Variants in CAMK1D observed in about 807,000 individuals in gnomAD.
The protein encoded by CAMK1D is calcium/calmodulin dependent protein kinase ID.
Under a neutral mutation model 47.7 loss-of-function variants are expected in CAMK1D, and 9 were observed. The observed-to-expected ratio is 0.19, with a 90% CI of 0.11 to 0.33. CAMK1D has a LOEUF of 0.33. CAMK1D is among the 10% of genes least tolerant of loss of function. The probability of loss-of-function intolerance (pLI) is 1.00; values close to 1 mark genes in which losing one functional copy is unlikely to be tolerated. For synonymous variants in CAMK1D, 184 were observed against 184.9 expected (o/e 0.99, Z 0.04); for missense variants, 291 against 488.7 (o/e 0.60, Z 3.81).
At chr10:12,569,017 A>C (rs1320691758) in intron 2 of CAMK1D, among the ~76,000 whole-genome samples, 1 of 152,214 alleles carries the variant, frequency 6.6e-6, no homozygotes, top group African/African-American at 2.4e-5. Flanking sequence ...GTGTAATATA[A>C]ACTTCCAAAT....
chr10:12,537,080 CT>C (rs368473367), intron 1 of CAMK1D, among the ~76,000 whole-genome samples: 1,847 of 151,278 alleles, frequency 0.012, 47 homozygotes, highest in African/African-American at 0.042. Context: ...TTTTCTTCTT[CT>C]TTTTTTTTGA....
At chr10:12,691,603 T>G (rs1404838128) in intron 3 of CAMK1D, among the ~76,000 whole-genome samples, 1 of 146,958 alleles carries the variant, frequency 6.8e-6, no homozygotes, top group African/African-American at 2.7e-5. Context: ...CAGCTCATAT[T>G]TTTTGTATTT....
intron 5 of CAMK1D, among the ~76,000 whole-genome samples, chr10:12,784,415 C>T (rs1189658695): frequency 6.6e-6 from 1 of 152,092 alleles, no homozygotes; most frequent in Non-Finnish European, 1.5e-5. Context: ...TCAGGCTGGT[C>T]TCGAACTCCT....
At chr10:12,779,940 G>A (rs929067283) in intron 5 of CAMK1D, among the ~76,000 whole-genome samples, 1 of 152,288 alleles carries the variant, frequency 6.6e-6, no homozygotes, top group Admixed American at 6.5e-5. Context: ...TGAGGCTGTC[G>A]GGGAAGGAAT....
At chr10:12,585,088 ATGT>A (rs1837776155) in intron 2 of CAMK1D, among the ~76,000 whole-genome samples, 1 of 152,186 alleles carries the variant, frequency 6.6e-6, no homozygotes. Context: ...CAGATCAAAC[ATGT>A]TGCCTCCCCT....
Position 12,824,507 on chromosome 10 carries a change from C to T in CAMK1D, c.876C>T (p.Ser292=), listed in dbSNP as rs145937671. ...DTALNKNIHE[S]VSAQIRKNFA... is the part of the protein sequence containing the mutation. ...CCCTCAACAAAAACATCCACGAGTC[C>T]GTCAGCGCCCAGATCCGGAAAAACT... The change falls in exon 9 of 11, where the codon TCC becomes TCT. Residue 292 remains serine, a synonymous_variant. Coordinates refer to ENST00000619168, the MANE Select transcript of CAMK1D (RefSeq NM_153498.4). 8.2e-4 allele frequency: 1,323 copies of T among 1,613,970 alleles called. 2 individuals are homozygous for T. Among genetic ancestry groups the T allele is most frequent in the Non-Finnish European group, 1.0e-3 (1,177 of 1,180,004 alleles).
intron 2 of CAMK1D, among the ~76,000 whole-genome samples, chr10:12,569,059 G>A (rs551078685): frequency 6.7e-4 from 102 of 152,136 alleles, no homozygotes; most frequent in Middle Eastern, 3.4e-3. Context: ...ACTGACTCAA[G>A]AAATCTACCT....
chr10:12,746,142 T>A (rs1057149023), intron 3 of CAMK1D, among the ~76,000 whole-genome samples: 1 of 147,708 alleles, frequency 6.8e-6, no homozygotes, highest in Non-Finnish European at 1.5e-5. Context: ...GGCGGACGGA[T>A]CCGCATGGTC....
chr10:12,423,607 C>G (rs1840130150), intron 1 of CAMK1D, among the ~76,000 whole-genome samples: 1 of 152,210 alleles, frequency 6.6e-6, no homozygotes, highest in Non-Finnish European at 1.5e-5. Context: ...CTGTGAATAT[C>G]CAGAACTCCC....
intron 1 of CAMK1D, among the ~76,000 whole-genome samples, chr10:12,427,780 T>A (rs1346841883): frequency 7.4e-6 from 1 of 134,792 alleles, no homozygotes; most frequent in Admixed American, 8.7e-5. Flanking sequence ...TGACCTTGGC[T>A]CACCGCAACC....
intron 2 of CAMK1D, among the ~76,000 whole-genome samples, chr10:12,621,644 G>T (rs1839001354): frequency 6.6e-6 from 1 of 152,092 alleles, no homozygotes; most frequent in Non-Finnish European, 1.5e-5. Context: ...TGTTTGCTTA[G>T]ATTTATACCT....
At chr10:12,672,349 T>C (rs1461063239) in intron 3 of CAMK1D, among the ~76,000 whole-genome samples, 1 of 152,080 alleles carries the variant, frequency 6.6e-6, no homozygotes, top group Non-Finnish European at 1.5e-5. Flanking sequence ...TGTTTTCCTC[T>C]GGACGTTACA....
At chr10:12,413,544 TGA>T (rs1839740793) in intron 1 of CAMK1D, among the ~76,000 whole-genome samples, 1 of 152,064 alleles carries the variant, frequency 6.6e-6, no homozygotes, top group Non-Finnish European at 1.5e-5. Context: ...ATGATGAGTA[TGA>T]TGGTGATAAT....
Position 12,729,476 on chromosome 10 carries a change from A to C in CAMK1D, c.300-31472A>C, listed in dbSNP as rs188530527. ...CATAGCAAGACCTCGTCTCTACAGA[A>C]TTTTTTTTTAAATTAGCCAGGTATG... On this transcript the variant is annotated intron_variant, in intron 3 of 10. Transcript: ENST00000619168. Among the ~76,000 whole-genome samples the C allele has an allele frequency of 4.0e-3, 612 of 151,452 alleles. 1 individual carries two copies. The highest frequency in any genetic ancestry group is 6.4e-3 in the Non-Finnish European group (432 of 67,770).
chr10:12,498,479 T>C (rs931704989), intron 1 of CAMK1D, among the ~76,000 whole-genome samples: 4 of 152,182 alleles, frequency 2.6e-5, no homozygotes, highest in African/African-American at 4.8e-5. Context: ...ATTCAGGAAC[T>C]CTCTGGCTGA....
intron 2 of CAMK1D, among the ~76,000 whole-genome samples, chr10:12,637,839 T>C (rs1240846352): frequency 6.6e-6 from 1 of 152,098 alleles, no homozygotes; most frequent in African/African-American, 2.4e-5. Context: ...AGGAGACGTG[T>C]TCTTTCTCTA....
intron 1 of CAMK1D, among the ~76,000 whole-genome samples, chr10:12,542,708 T>C (rs1836235840): frequency 6.6e-6 from 1 of 152,244 alleles, no homozygotes; most frequent in Non-Finnish European, 1.5e-5. Flanking sequence ...TGCTCTTGTA[T>C]GAGAAAAGAA....
intron 1 of CAMK1D, among the ~76,000 whole-genome samples, chr10:12,354,011 T>C (rs2801499): frequency 0.64 from 97,083 of 151,914 alleles, 31,930 homozygotes; most frequent in Middle Eastern, 0.75. Context: ...GGAAGCACCC[T>C]AGACTCATAG....
chr10:12,769,311 G>A (rs970206695), intron 4 of CAMK1D, among the ~76,000 whole-genome samples: 1 of 152,164 alleles, frequency 6.6e-6, no homozygotes, highest in Non-Finnish European at 1.5e-5. Context: ...GAGCAGAGAA[G>A]CACCTGCAAG....
Sources: gnomAD v4.1 joint callset for allele counts (sites outside exome capture counted in the v4.1 genomes callset) on GRCh38, gnomAD v4.1.1 for gene constraint, MANE v1.5 for transcripts, NCBI Gene and HGNC (gene_info 2026-07-23, HGNC 2026-07-21) for gene names.